Variants in MTUS1 observed in about 807,000 individuals in gnomAD.
MTUS1 encodes the protein microtubule-associated tumor suppressor 1.
In MTUS1, 109 loss-of-function variants were observed where a neutral mutation model predicts 120.8. That is an observed-to-expected ratio of 0.90 (90% CI 0.77 to 1.06). The LOEUF (loss-of-function observed/expected upper bound fraction) is 1.06. MTUS1 is among the 50% of genes least tolerant of loss of function. MTUS1 has a pLI of 0.00. For missense variants in MTUS1, 2,210 were observed against 1,486.3 expected (o/e 1.49, Z -8.01); for synonymous variants, 737 against 550.5 (o/e 1.34, Z -4.74).
intron 1 of MTUS1, among the ~76,000 whole-genome samples, chr8:17,773,320 C>G (rs1396330703): frequency 6.6e-6 from 1 of 152,134 alleles, no homozygotes; most frequent in Non-Finnish European, 1.5e-5. Flanking sequence ...GTCATGCTAG[C>G]CACACTGTCA....
chr8:17,767,735 G>T (rs2131423465), intron 1 of MTUS1, among the ~76,000 whole-genome samples: 1 of 121,736 alleles, frequency 8.2e-6, no homozygotes, highest in South Asian at 2.5e-4. Context: ...GAAAGAGACT[G>T]AAGTGCAGCA....
intron 3 of MTUS1, among the ~76,000 whole-genome samples, chr8:17,738,714 A>T (rs1167081999): frequency 1.3e-5 from 2 of 152,332 alleles, no homozygotes; most frequent in African/African-American, 4.8e-5. Context: ...CTGAAGCAGC[A>T]TTAATTTTCA....
intron 1 of MTUS1, among the ~76,000 whole-genome samples, chr8:17,772,265 A>G (rs1436122952): frequency 2.0e-5 from 3 of 152,188 alleles, no homozygotes; most frequent in African/African-American, 7.2e-5. Flanking sequence ...CACATGTACA[A>G]AACAAAATAA....
chr8:17,663,616 G>C (rs6980651), intron 8 of MTUS1, among the ~76,000 whole-genome samples: 95,554 of 151,646 alleles, frequency 0.63, 30,831 homozygotes, highest in Middle Eastern at 0.81. Context: ...TTTTTTTTGA[G>C]ACAGAGGCTT....
At chr8:17,699,729 C>G (rs1466468322) in intron 6 of MTUS1, among the ~76,000 whole-genome samples, 2 of 152,232 alleles carry the variant, frequency 1.3e-5, no homozygotes, top group African/African-American at 4.8e-5. Flanking sequence ...CAAACATAGT[C>G]TGCCTCCTGG....
At chr8:17,729,907 C>A (rs2046446035) in intron 3 of MTUS1, among the ~76,000 whole-genome samples, 1 of 147,094 alleles carries the variant, frequency 6.8e-6, no homozygotes, top group Non-Finnish European at 1.5e-5. Flanking sequence ...CAAAGATGCT[C>A]AACATCACTA....
chr8:17,644,922 C>T lies in MTUS1; in HGVS notation c.*1004G>A, dbSNP rs1417481682. The T allele has an allele frequency of 6.6e-6, 1 of 152,064 alleles. No individual in the cohort carries two copies. Among genetic ancestry groups the T allele is most frequent in the African/African-American group, 2.4e-5 (1 of 41,378 alleles). 9.4% of individuals were successfully genotyped at this position (152,064 alleles called of 1,614,324 possible). ...AGGTAGAAGGTTTGCTTTTGTGGCT[C>T]TGGATGGTGGAGAAAGGTAAAAGGA... On this transcript the variant is annotated 3_prime_UTR_variant, in exon 15 of 15. Transcript: ENST00000693296.
chr8:17,663,348 G>T (rs961527685), intron 8 of MTUS1, among the ~76,000 whole-genome samples: 3 of 152,184 alleles, frequency 2.0e-5, no homozygotes, highest in African/African-American at 7.2e-5. Context: ...ACAGAGAAAA[G>T]CATTACACAG....
chr8:17,696,638 T>A (rs889688795), intron 6 of MTUS1, among the ~76,000 whole-genome samples: 4 of 152,184 alleles, frequency 2.6e-5, no homozygotes, highest in African/African-American at 9.7e-5. Context: ...TTTATTTTCA[T>A]CTTAGGCACC....
intron 8 of MTUS1, among the ~76,000 whole-genome samples, chr8:17,662,349 A>ATTTTTTTTTTTTT (rs35308070): frequency 8.9e-6 from 1 of 112,688 alleles, no homozygotes; most frequent in African/African-American, 3.5e-5. Flanking sequence ...TTTTGTCCCT[A>ATTTTTTTTTTTTT]TTTTTTTTTT....
In MTUS1 at chr8:17,754,989, A is replaced by G; in HGVS notation, c.819T>C (p.Ser273=). ...TTTGTTGTGATCCATCTGTGTACTC[A>G]CTGGTGACCTTTCCTGAAGAACATG... ...QCACSSGKVT[S]EYTDGSQQRL... The change falls in exon 2 of 15, where the codon AGT becomes AGC. Residue 273 remains serine (S), a synonymous_variant. Transcript: ENST00000693296. 1.2e-6 allele frequency: 2 copies of G among 1,614,140 alleles called. No homozygotes were observed. The highest frequency in any genetic ancestry group is 1.7e-6 in the Non-Finnish European group (2 of 1,180,012).
chr8:17,736,824 A>T (rs1394577825), intron 3 of MTUS1, among the ~76,000 whole-genome samples: 2 of 152,094 alleles, frequency 1.3e-5, no homozygotes, highest in Non-Finnish European at 2.9e-5. Context: ...ACCTCAAGTG[A>T]TCCATCTGCC....
At chr8:17,725,604 T>C (rs1244288962) in intron 3 of MTUS1, among the ~76,000 whole-genome samples, 1 of 152,180 alleles carries the variant, frequency 6.6e-6, no homozygotes, top group Non-Finnish European at 1.5e-5. Flanking sequence ...TAAAATCCTG[T>C]CCTTCCATCC....
chr8:17,661,293 G>A (rs903714872), intron 8 of MTUS1, among the ~76,000 whole-genome samples: 1 of 152,086 alleles, frequency 6.6e-6, no homozygotes, highest in Non-Finnish European at 1.5e-5. Context: ...CTAGTTTCAC[G>A]CAGGCTTTTC....
At position 17,644,250 on chromosome 8, in the gene MTUS1, G is replaced by GACTT. The variant is rs1563540681; in HGVS notation, c.*1672_*1675dup. Reference sequence around the variant, plus strand: ...ACATGATGAAGTATTGGAAGTTAAAGACTTAAGACACAAAATCACTAATTT... The same window carrying GACTT: ...ACATGATGAAGTATTGGAAGTTAAAGACTTACTTAAGACACAAAATCACTAATTT... On this transcript the variant is annotated 3_prime_UTR_variant, in exon 15 of 15. Coordinates refer to ENST00000693296, the MANE Select transcript of MTUS1 (RefSeq NM_001363059.2). 6.6e-6 allele frequency: 1 copy of GACTT among 152,578 alleles called. No homozygotes were observed. Among genetic ancestry groups the GACTT allele is most frequent in the African/African-American group, 2.4e-5 (1 of 41,446 alleles). The allele number at this position is 152,578 out of a possible 1,614,324, so 9.5% of individuals were successfully genotyped here. A position where few individuals can be genotyped will look rare whatever the true frequency, so the allele number is the denominator to read the frequency against.
intron 1 of MTUS1, among the ~76,000 whole-genome samples, chr8:17,765,270 G>C (rs2049386955): frequency 6.6e-6 from 1 of 152,142 alleles, no homozygotes; most frequent in Non-Finnish European, 1.5e-5. Flanking sequence ...ACCTCCTGCT[G>C]TGCAGCCCTG....
chr8:17,645,883 G>T lies in MTUS1; in HGVS notation c.*43C>A. The T allele has an allele frequency of 1.3e-6, 2 of 1,582,790 alleles. No individual in the cohort carries two copies. Among genetic ancestry groups the T allele is most frequent in the South Asian group, 2.3e-5 (2 of 86,390 alleles). On this transcript the variant is annotated 3_prime_UTR_variant, in exon 15 of 15. Transcript: ENST00000693296. ...TCCTTGGGGTCAGTCCTGCAGACCT[G>T]CATCAAAATGCTTTCAGAGAGTCTG...
intron 1 of MTUS1, among the ~76,000 whole-genome samples, chr8:17,792,607 T>G (rs981951140): frequency 1.6e-4 from 25 of 152,370 alleles, no homozygotes; most frequent in East Asian, 1.3e-3. Flanking sequence ...CTTACGCCTG[T>G]AATCCCAGCA....
rs138443942 is a variant in MTUS1 at position 17,765,399 on chromosome 8, C to T, written c.-154-9438G>A. ...ATCCCAGCACTTTGGGAGGCCGAGG[C>T]AGGCAGATAACCTGAGGTCAGGAGT... On this transcript the variant is annotated intron_variant, in intron 1 of 14. Transcript: ENST00000693296. Among the ~76,000 whole-genome samples, 1,031 of 152,166 alleles carry T rather than the reference C, an allele frequency of 6.8e-3. 37 individuals carry two copies. The highest frequency in any genetic ancestry group is 0.049 in the East Asian group (252 of 5,146).
Sources: allele counts gnomAD v4.1 joint callset (sites outside exome capture counted in the v4.1 genomes callset), GRCh38; gene constraint gnomAD v4.1.1; transcripts MANE v1.5; gene names NCBI Gene and HGNC (gene_info 2026-07-23, HGNC 2026-07-21).